Variants in CSMD3 observed in about 807,000 individuals in gnomAD.
The protein encoded by CSMD3 is CUB and Sushi multiple domains 3.
Under a neutral mutation model 435.2 loss-of-function variants are expected in CSMD3, and 177 were observed. The ratio of observed to expected loss-of-function variants is 0.41; its 90% confidence interval spans 0.36 to 0.46. The LOEUF is 0.46. Among genes scored for constraint, CSMD3 ranks in the 20% least tolerant of loss-of-function variants. The pLI is 0.34. For synonymous variants in CSMD3, 1,656 were observed against 1,520.5 expected, an observed-to-expected ratio of 1.09 and a Z score of -2.07; for missense variants, 4,265 against 4,504.6, an observed-to-expected ratio of 0.95 and a Z score of 1.52.
intron 5 of CSMD3, among the ~76,000 whole-genome samples, chr8:113,087,042 A>C (rs1431113062): frequency 6.6e-6 from 1 of 152,052 alleles, no homozygotes; most frequent in Non-Finnish European, 1.5e-5. Context: ...TCTCTCTCTC[A>C]CACTTCTGCA....
At chr8:113,224,790 T>A (rs547539958) in intron 3 of CSMD3, among the ~76,000 whole-genome samples, 1 of 145,836 alleles carries the variant, frequency 6.9e-6, no homozygotes, top group Non-Finnish European at 1.6e-5. Context: ...CTGGCTCTTG[T>A]GTAAATTTTT....
intron 3 of CSMD3, among the ~76,000 whole-genome samples, chr8:113,243,189 T>C (rs559409468): frequency 2.0e-5 from 3 of 152,052 alleles, no homozygotes; most frequent in Admixed American, 1.3e-4. Context: ...AAAAACTGCA[T>C]TTGGTGTAAA....
chr8:112,369,421 CT>C (rs1828104085), intron 38 of CSMD3, among the ~76,000 whole-genome samples: 1 of 152,132 alleles, frequency 6.6e-6, no homozygotes, highest in South Asian at 2.1e-4. Context: ...ATATTACAAA[CT>C]AGCACATTTG....
rs1365935329 is a variant in CSMD3 at position 112,445,688 on chromosome 8, G to A, written c.5395+26903C>T. Among the ~76,000 whole-genome samples the A allele has an allele frequency of 2.0e-5, 3 of 152,234 alleles. No homozygotes were observed. The East Asian group carries it at 5.8e-4, about 29-fold the overall frequency. On this transcript the variant is annotated intron_variant, in intron 32 of 70. Transcript: ENST00000297405. ...ACATTTCAACATGAGATTTGAAGGG[G>A]ACAAAACATCCAAACCACAACACAG...
chr8:112,376,561 G>A (rs1828960029), intron 38 of CSMD3, among the ~76,000 whole-genome samples: 1 of 151,996 alleles, frequency 6.6e-6, no homozygotes, highest in Non-Finnish European at 1.5e-5. Context: ...GTGTTTCAGT[G>A]AGGAACTAAG....
intron 13 of CSMD3, among the ~76,000 whole-genome samples, chr8:112,794,351 C>A (rs187328371): frequency 7.6e-6 from 1 of 132,272 alleles, no homozygotes; most frequent in African/African-American, 2.9e-5. Context: ...TAGAGGGCAG[C>A]GGCGCGGTCT....
Position 113,287,374 on chromosome 8 carries a change from T to C in CSMD3, c.402-8670A>G, listed in dbSNP as rs186344952. On this transcript the variant is annotated intron_variant, in intron 2 of 70. Transcript: ENST00000297405. ...AGAAAACCACAGGAACAAGCTGATATTTAAAGTAATGGCTGTTCTGTTAAA... is the reference window on the plus strand; with the variant it reads ...AGAAAACCACAGGAACAAGCTGATACTTAAAGTAATGGCTGTTCTGTTAAA... Among the ~76,000 whole-genome samples, 109 of 152,168 alleles carry C rather than the reference T, an allele frequency of 7.2e-4. 2 individuals are homozygous for C. Among genetic ancestry groups the C allele is most frequent in the Admixed American group, 5.0e-3 (76 of 15,272 alleles).
intron 10 of CSMD3, among the ~76,000 whole-genome samples, chr8:112,905,343 T>C (rs570351011): frequency 6.9e-6 from 1 of 145,384 alleles, no homozygotes; most frequent in African/African-American, 2.6e-5. Flanking sequence ...CACACACATA[T>C]ATATCAAAAG....
chr8:112,375,191 A>C (rs1828827363), intron 38 of CSMD3, among the ~76,000 whole-genome samples: 1 of 152,150 alleles, frequency 6.6e-6, no homozygotes, highest in Admixed American at 6.6e-5. Flanking sequence ...AGAAATAACA[A>C]GTTGTAACTT....
intron 19 of CSMD3, 121 bp downstream of exon 19, chr8:112,650,040 A>C (rs538479761): frequency 1.3e-6 from 1 of 745,512 alleles, no homozygotes; most frequent in African/African-American, 1.8e-5. Flanking sequence ...AATTTGCCAG[A>C]AATCAAAAGA....
rs188663887 is a variant in CSMD3, at chr8:113,148,382, C to A, written c.709+25340G>T. On this transcript the variant is annotated intron_variant, in intron 4 of 70. Coordinates refer to ENST00000297405, the MANE Select transcript of CSMD3 (RefSeq NM_198123.2). ...CCTTCAGTTGCCTTCCACAACCCTG[C>A]GGATCAGTTATATGCTCTCGTAGAA... 7.0e-4 allele frequency among the ~76,000 whole-genome samples: 106 copies of A among 151,790 alleles called. 1 individual carries two copies. The highest frequency in any genetic ancestry group is 2.5e-3 in the African/African-American group (102 of 41,484).
chr8:112,897,648 C>T (rs1440156167), intron 10 of CSMD3, among the ~76,000 whole-genome samples: 1 of 149,156 alleles, frequency 6.7e-6, no homozygotes, highest in Non-Finnish European at 1.5e-5. Flanking sequence ...CTATCGAGAA[C>T]TCCCTAAAAT....
At chr8:112,800,369 G>T in intron 12 of CSMD3, 95 bp from the exon 13 acceptor site, 2 of 875,700 alleles carry the variant, frequency 2.3e-6, no homozygotes, top group Non-Finnish European at 3.8e-6. Context: ...TACTTTCTTT[G>T]CTAGAAAAAA....
chr8:113,086,120 G>A (rs2089764571), intron 5 of CSMD3, among the ~76,000 whole-genome samples: 1 of 151,824 alleles, frequency 6.6e-6, no homozygotes, highest in Non-Finnish European at 1.5e-5. Flanking sequence ...TGGGTGGCGG[G>A]CGACTGTAGT....
intron 3 of CSMD3, among the ~76,000 whole-genome samples, chr8:113,218,925 G>A (rs1378303753): frequency 6.6e-6 from 1 of 151,192 alleles, no homozygotes; most frequent in African/African-American, 2.4e-5. Context: ...CACATAGGCT[G>A]AAGGGAGCTA....
At chr8:113,241,037 T>C (rs2093209409) in intron 3 of CSMD3, among the ~76,000 whole-genome samples, 1 of 152,112 alleles carries the variant, frequency 6.6e-6, no homozygotes, top group South Asian at 2.1e-4. Flanking sequence ...TATCAAGATA[T>C]TAGCTGATAT....
intron 23 of CSMD3, among the ~76,000 whole-genome samples, chr8:112,584,875 T>C (rs1830602506): frequency 6.6e-6 from 1 of 151,716 alleles, no homozygotes; most frequent in Non-Finnish European, 1.5e-5. Flanking sequence ...GGATTAACTT[T>C]CATGGATTAG....
At chr8:112,421,000 T>C (rs770766064) in intron 32 of CSMD3, among the ~76,000 whole-genome samples, 4 of 152,116 alleles carry the variant, frequency 2.6e-5, no homozygotes, top group Non-Finnish European at 5.9e-5. Context: ...CTTTCAAAGT[T>C]CCATTTACTA....
At chr8:112,641,293 A>G (rs1411456379) in intron 20 of CSMD3, among the ~76,000 whole-genome samples, 4 of 152,166 alleles carry the variant, frequency 2.6e-5, no homozygotes, top group African/African-American at 7.2e-5. Flanking sequence ...TAAGACCTTC[A>G]AAGTTGTGCC....
Sources: gnomAD v4.1 joint callset for allele counts (sites outside exome capture counted in the v4.1 genomes callset) on GRCh38, gnomAD v4.1.1 for gene constraint, MANE v1.5 for transcripts, NCBI Gene and HGNC (gene_info 2026-07-23, HGNC 2026-07-21) for gene names.